PLCG2: variants seen among roughly 807,000 people sequenced by gnomAD.
PLCG2 encodes phospholipase C gamma 2.
A neutral mutation model predicts 175.6 loss-of-function variants in PLCG2; 69 were observed. That is an observed-to-expected ratio of 0.39 (90% confidence interval 0.32 to 0.48). The LOEUF (loss-of-function observed/expected upper bound fraction) is 0.48, where lower values mean the gene tolerates loss of function less well. Among genes scored for constraint, PLCG2 ranks in the 20% least tolerant of loss-of-function variants. The pLI is 0.91. For synonymous variants in PLCG2, 827 were observed against 624.0 expected (o/e 1.33, Z -4.85); for missense variants, 1,798 against 1,650.9 (o/e 1.09, Z -1.54).
chr16:81,946,310 G>C, intron 31 of PLCG2, 47 bp downstream of exon 31: 1 of 1,396,228 alleles, frequency 7.2e-7, no homozygotes, highest in Non-Finnish European at 1.0e-6. Flanking sequence ...TATGCCTGCT[G>C]GTGAGGGTAG....
chr16:81,872,162 T>A (rs1907546843), intron 7 of PLCG2, among the ~76,000 whole-genome samples: 1 of 152,138 alleles, frequency 6.6e-6, no homozygotes, highest in African/African-American at 2.4e-5. Flanking sequence ...ACCCCATCTC[T>A]ACTAAAAATA....
rs142249173 is a variant in PLCG2, at chr16:81,791,033, C to G, written c.193+4851C>G. ...TGTCACTGGGTAAAATAGGGTTTTG[C>G]TCTGAACCCTGTTTGGATGGAATTT... On this transcript the variant is annotated intron_variant, in intron 2 of 32. Transcript: ENST00000564138. 1.3e-5 allele frequency among the ~76,000 whole-genome samples: 2 copies of G among 152,294 alleles called. 1 individual carries two copies. Among genetic ancestry groups the G allele is most frequent in the East Asian group, 3.9e-4 (2 of 5,182 alleles).
chr16:81,860,169 A>ATT (rs1375490447), intron 5 of PLCG2, among the ~76,000 whole-genome samples: 145 of 93,380 alleles, frequency 1.6e-3, no homozygotes, highest in African/African-American at 2.8e-3. Flanking sequence ...TATTATTATT[A>ATT]TTATTTTTTT....
intron 2 of PLCG2, among the ~76,000 whole-genome samples, chr16:81,803,123 T>C: frequency 7.2e-6 from 1 of 137,972 alleles, no homozygotes; most frequent in East Asian, 3.8e-4. Flanking sequence ...CTTTTTTTTT[T>C]TTTTTTTTTT....
At chr16:81,897,794 C>T (rs1908964270) in intron 13 of PLCG2, 1 of 454,910 alleles carries the variant, frequency 2.2e-6, no homozygotes, top group African/African-American at 2.0e-5. Context: ...ATCCTCCCGC[C>T]TCAACCTCCC....
intron 18 of PLCG2, among the ~76,000 whole-genome samples, 180 bp downstream of exon 18, chr16:81,910,900 C>T (rs551750913): frequency 6.6e-6 from 1 of 152,334 alleles, no homozygotes; most frequent in East Asian, 1.9e-4. Flanking sequence ...GACCTGTGTC[C>T]TTTTCTCTTT....
At chr16:81,779,914 G>A (rs1910654026) in intron 1 of PLCG2, among the ~76,000 whole-genome samples, 1 of 152,250 alleles carries the variant, frequency 6.6e-6, no homozygotes, top group African/African-American at 2.4e-5. Flanking sequence ...GACTTTTGGA[G>A]AGCTTGCAGG....
rs553379486 is a variant in PLCG2, at chr16:81,813,247, T to C, written c.193+27065T>C. Among the ~76,000 whole-genome samples the C allele has an allele frequency of 4.6e-5, 7 of 152,358 alleles. No individual in the cohort carries two copies. In the East Asian group the frequency reaches 1.3e-3, roughly 29 times the overall value. On this transcript the variant is annotated intron_variant, in intron 2 of 32. Transcript: ENST00000564138. ...CTTGATGGGAATAGCATTGAATCTATAAATTACTTTGGGCAGTATGGCCAT... is the reference window on the plus strand; with the variant it reads ...CTTGATGGGAATAGCATTGAATCTACAAATTACTTTGGGCAGTATGGCCAT...
At chr16:81,755,008 C>G (rs1336855470) in intron 1 of PLCG2, among the ~76,000 whole-genome samples, 1 of 151,968 alleles carries the variant, frequency 6.6e-6, no homozygotes, top group Non-Finnish European at 1.5e-5. Flanking sequence ...CTTACCCTCT[C>G]TGAGCCCCCA....
chr16:81,796,119 G>T (rs1911458317), intron 2 of PLCG2, among the ~76,000 whole-genome samples: 1 of 152,234 alleles, frequency 6.6e-6, no homozygotes, highest in African/African-American at 2.4e-5. Context: ...TCGCTGGGCT[G>T]CATGGAAAGG....
chr16:81,877,497 G>A (rs1181277352), intron 7 of PLCG2, among the ~76,000 whole-genome samples: 1 of 152,208 alleles, frequency 6.6e-6, no homozygotes, highest in Non-Finnish European at 1.5e-5. Context: ...TTCCCTCACT[G>A]TACTGGAGGT....
chr16:81,952,223 G>GA (rs770865878), intron 31 of PLCG2, among the ~76,000 whole-genome samples: 57 of 151,880 alleles, frequency 3.8e-4, no homozygotes, highest in Non-Finnish European at 7.5e-4. Flanking sequence ...TGTTGGATTG[G>GA]AATTGGAGGT....
At chr16:81,831,147 CTCT>C (rs917108200) in intron 2 of PLCG2, among the ~76,000 whole-genome samples, 7 of 152,172 alleles carry the variant, frequency 4.6e-5, no homozygotes, top group African/African-American at 1.7e-4. Context: ...CCATGCTTTG[CTCT>C]TCTTTGGTTT....
intron 1 of PLCG2, among the ~76,000 whole-genome samples, chr16:81,749,996 G>A (rs1338052748): frequency 1.3e-5 from 2 of 151,756 alleles, no homozygotes; most frequent in Non-Finnish European, 2.9e-5. Flanking sequence ...AAAGAGATCT[G>A]CAATATACCG....
intron 30 of PLCG2, among the ~76,000 whole-genome samples, chr16:81,945,745 G>A (rs1005969865): frequency 2.6e-5 from 4 of 152,100 alleles, no homozygotes; most frequent in Non-Finnish European, 5.9e-5. Context: ...CCTCCCATTG[G>A]AAATCTTTAA....
chr16:81,819,874 G>A (rs1370273618), intron 2 of PLCG2, among the ~76,000 whole-genome samples: 1 of 152,240 alleles, frequency 6.6e-6, no homozygotes, highest in Non-Finnish European at 1.5e-5. Context: ...GTGAGCCACT[G>A]TGCCTAGCCC....
chr16:81,941,741 A>G (rs1910950102), intron 30 of PLCG2, among the ~76,000 whole-genome samples: 1 of 150,552 alleles, frequency 6.6e-6, no homozygotes, highest in African/African-American at 2.5e-5. Context: ...TCTGTCGCTC[A>G]GGCTGGAGTG....
At chr16:81,938,294 C>T (rs2143732486) in intron 28 of PLCG2, among the ~76,000 whole-genome samples, 1 of 152,200 alleles carries the variant, frequency 6.6e-6, no homozygotes, top group East Asian at 1.9e-4. Context: ...ATTCATCTGA[C>T]TTTCAGAGAA....
At chr16:81,824,829 G>A (rs1904975434) in intron 2 of PLCG2, among the ~76,000 whole-genome samples, 1 of 152,196 alleles carries the variant, frequency 6.6e-6, no homozygotes, top group Admixed American at 6.5e-5. Context: ...ACATTATGTG[G>A]CAAAGGAGAT....
Sources: allele counts gnomAD v4.1 joint callset (sites outside exome capture counted in the v4.1 genomes callset), GRCh38; gene constraint gnomAD v4.1.1; transcripts MANE v1.5; gene names NCBI Gene and HGNC (gene_info 2026-07-23, HGNC 2026-07-21).